The following DOCK11 variants were observed in gnomAD, a reference collection of about 807,000 sequenced individuals.
DOCK11 encodes the protein dedicator of cytokinesis 11.
In DOCK11, 70 loss-of-function variants were observed where a neutral mutation model predicts 169.1. That is an observed-to-expected ratio of 0.41 (90% CI 0.34 to 0.51). DOCK11 has a LOEUF of 0.51. DOCK11 is among the 20% of genes least tolerant of loss of function. The pLI is 0.10. For synonymous variants in DOCK11, 529 were observed against 541.3 expected, an observed-to-expected ratio of 0.98 and a Z score of 0.32; for missense variants, 1,166 against 1,538.8, an observed-to-expected ratio of 0.76 and a Z score of 4.05.
At chrX:118,539,148 C>T (rs1038206714) in intron 1 of DOCK11, among the ~76,000 whole-genome samples, 2 of 111,577 alleles carry the variant, frequency 1.8e-5, no homozygotes, top group Admixed American at 1.9e-4. Context: ...AAAAAGTAGG[C>T]GTGAAGACCC....
chrX:118,630,025 A>G (rs745654793), intron 34 of DOCK11, among the ~76,000 whole-genome samples: 43 of 110,571 alleles, frequency 3.9e-4, no homozygotes, highest in Admixed American at 3.9e-3. Flanking sequence ...CTAAGGAAAG[A>G]TTCAAATGAA....
chrX:118,645,005 A>G (rs1297783865), intron 40 of DOCK11, among the ~76,000 whole-genome samples: 1 of 112,067 alleles, frequency 8.9e-6, no homozygotes, highest in African/African-American at 3.2e-5. Context: ...GACAGTGGAT[A>G]TATGAAGGAT....
chrX:118,671,015 T>C lies in DOCK11; in HGVS notation c.5077-8T>C. Reference sequence around the variant, plus strand: ...TTAATTCCTAATTGGATTTTTCTCTTAATGCAGGAGGTCTTGCTGGAGTTG... The same window carrying C: ...TTAATTCCTAATTGGATTTTTCTCTCAATGCAGGAGGTCTTGCTGGAGTTG... On this transcript the variant is annotated splice_polypyrimidine_tract_variant and splice_region_variant and intron_variant, in intron 45 of 52. Transcript: ENST00000276202. The C allele has an allele frequency of 5.1e-6, 6 of 1,166,509 alleles. No homozygotes were observed. The highest frequency in any genetic ancestry group is 6.9e-6 in the Non-Finnish European group (6 of 870,195).
At chrX:118,682,033 A>G (rs946530793) in intron 51 of DOCK11, among the ~76,000 whole-genome samples, 2 of 111,533 alleles carry the variant, frequency 1.8e-5, no homozygotes, top group Non-Finnish European at 3.8e-5. Flanking sequence ...AGTTTACTAT[A>G]TTGCTTTGAA....
rs368025007 is a variant in DOCK11, at chrX:118,627,578, C to T, written c.3663C>T (p.Thr1221=). The T allele has an allele frequency of 2.8e-5, 34 of 1,198,264 alleles. No individual in the cohort carries two copies. The highest frequency in any genetic ancestry group is 2.4e-4 in the Admixed American group (11 of 45,505). The change falls in exon 33 of 53, where the codon ACC becomes ACT. Residue 1221 remains threonine (T), a splice_region_variant and synonymous_variant. Coordinates refer to ENST00000276202, the MANE Select transcript of DOCK11 (RefSeq NM_144658.4). ...NRGSLSTDKD[T]AYGSFQNGHG... ...GGAGTCTGAGCACTGACAAAGACAC[C>T]GGTAATTAAACCTTTTGGAGATGAT...
At chrX:118,541,408 A>G (rs1041223000) in intron 1 of DOCK11, among the ~76,000 whole-genome samples, 2 of 111,439 alleles carry the variant, frequency 1.8e-5, no homozygotes, top group African/African-American at 6.5e-5. Flanking sequence ...CACACCTGTG[A>G]CAATGAAAAC....
At chrX:118,519,997 G>A (rs745427229) in intron 1 of DOCK11, among the ~76,000 whole-genome samples, 12 of 111,232 alleles carry the variant, frequency 1.1e-4, no homozygotes, top group African/African-American at 3.6e-4. Context: ...ATTGTTTCTG[G>A]GAACTAAATA....
chrX:118,626,818 T>C (rs2015116459), intron 32 of DOCK11, among the ~76,000 whole-genome samples: 2 of 112,688 alleles, frequency 1.8e-5, no homozygotes, highest in African/African-American at 6.4e-5. Context: ...TTTGACAGCA[T>C]TATTTGGAAA....
At chrX:118,670,417 G>T (rs1042665100) in intron 45 of DOCK11, among the ~76,000 whole-genome samples, 1 of 111,629 alleles carries the variant, frequency 9.0e-6, no homozygotes, top group African/African-American at 3.3e-5. Flanking sequence ...GGCAGCGCTG[G>T]TGATCTCTAT....
intron 45 of DOCK11, among the ~76,000 whole-genome samples, chrX:118,667,960 A>T (rs912054437): frequency 8.9e-6 from 1 of 111,968 alleles, no homozygotes; most frequent in African/African-American, 3.2e-5. Context: ...AATATAATTG[A>T]TTTTGTATGT....
chrX:118,600,027 C>A (rs2014285531), intron 23 of DOCK11, among the ~76,000 whole-genome samples: 1 of 111,593 alleles, frequency 9.0e-6, no homozygotes, highest in African/African-American at 3.3e-5. Context: ...TGACCATGAC[C>A]AAGTTACTTC....
chrX:118,528,457 C>T (rs12556443), intron 1 of DOCK11, among the ~76,000 whole-genome samples: 3,953 of 111,488 alleles, frequency 0.035, 235 homozygotes, highest in East Asian at 0.3. Context: ...AAGACAGGAA[C>T]GCACTGTCAC....
intron 34 of DOCK11, 149 bp downstream of exon 34, chrX:118,628,421 C>G (rs1051671514): frequency 7.9e-6 from 3 of 379,602 alleles, no homozygotes; most frequent in East Asian, 4.3e-5. Context: ...TTAGCAGTAT[C>G]TTCCTATAGT....
At chrX:118,646,211 A>G (rs781017953) in intron 40 of DOCK11, among the ~76,000 whole-genome samples, 1 of 111,790 alleles carries the variant, frequency 8.9e-6, no homozygotes, top group African/African-American at 3.3e-5. Context: ...AACAGTTTGC[A>G]GTATTCTGAG....
At chrX:118,584,611 G>A (rs1221490498) in intron 14 of DOCK11, 124 bp from the exon 15 acceptor site, 4 of 591,358 alleles carry the variant, frequency 6.8e-6, no homozygotes, top group Non-Finnish European at 9.8e-6. Flanking sequence ...TTAACTTAAT[G>A]AGAAACCGCC....
intron 39 of DOCK11, 117 bp downstream of exon 39, chrX:118,641,422 G>A: frequency 2.0e-6 from 1 of 502,974 alleles, no homozygotes. Flanking sequence ...GTCAGGAAAT[G>A]TGGATGGCAG....
chrX:118,624,470 A>T, intron 31 of DOCK11, 69 bp from the exon 32 acceptor site: 1 of 675,244 alleles, frequency 1.5e-6, no homozygotes, highest in Non-Finnish European at 2.3e-6. Flanking sequence ...TGATATATGA[A>T]GCCAACTCCA....
intron 12 of DOCK11, among the ~76,000 whole-genome samples, chrX:118,576,634 C>T (rs2013458433): frequency 1.8e-5 from 2 of 112,210 alleles, no homozygotes; most frequent in Non-Finnish European, 3.8e-5. Flanking sequence ...GTGATGGGCA[C>T]ACTGGGTTAG....
At chrX:118,497,285 C>G (rs1243633900) in intron 1 of DOCK11, among the ~76,000 whole-genome samples, 1 of 108,704 alleles carries the variant, frequency 9.2e-6, no homozygotes, top group Non-Finnish European at 1.9e-5. Context: ...CTTGTAGAAT[C>G]AGCAATAAAA....
Sources: gnomAD v4.1 joint callset for allele counts (sites outside exome capture counted in the v4.1 genomes callset) on GRCh38, gnomAD v4.1.1 for gene constraint, MANE v1.5 for transcripts, NCBI Gene and HGNC (gene_info 2026-07-23, HGNC 2026-07-21) for gene names.